The following PALS2 variants were observed in gnomAD, a reference collection of about 807,000 sequenced individuals.
The protein encoded by PALS2 is protein associated with LIN7 2, MAGUK p55 family member.
PALS2 carries 27 observed loss-of-function variants against 61.6 expected under a neutral mutation model. The ratio of observed to expected loss-of-function variants is 0.44; its 90% CI spans 0.32 to 0.60. The LOEUF (loss-of-function observed/expected upper bound fraction) is 0.60, where lower values mean the gene tolerates loss of function less well. PALS2 is among the 20% of genes least tolerant of loss of function. The pLI, the probability that PALS2 is intolerant of heterozygous loss-of-function variation, is 0.05. For missense variants in PALS2, 554 were observed against 639.4 expected, an observed-to-expected ratio of 0.87 and a Z score of 1.44; for synonymous variants, 236 against 218.6, an observed-to-expected ratio of 1.08 and a Z score of -0.70.
intron 2 of PALS2, among the ~76,000 whole-genome samples, chr7:24,640,502 A>C (rs1488562077): frequency 6.6e-6 from 1 of 152,208 alleles, no homozygotes; most frequent in Non-Finnish European, 1.5e-5. Context: ...TTTCTTTAGC[A>C]ATCCTTGAAA....
chr7:24,597,539 T>G (rs1783568802), intron 1 of PALS2, among the ~76,000 whole-genome samples: 1 of 152,094 alleles, frequency 6.6e-6, no homozygotes, highest in African/African-American at 2.4e-5. Context: ...TTTTTAAAAG[T>G]TACTATTTAA....
rs1053430 is a variant in PALS2, at chr7:24,687,648, C to T, written c.*34C>T. 90,131 of 1,547,838 alleles carry T rather than the reference C, an allele frequency of 0.058. 2,982 individuals carry two copies. The highest frequency in any genetic ancestry group is 0.12 in the African/African-American group (8,372 of 71,502). ...TAAGGTTAACAATGAAAATTAAACT[C>T]TTAAAAAGTGACTGCAACAAATAAA... On this transcript the variant is annotated 3_prime_UTR_variant, in exon 12 of 12. Transcript: ENST00000222644. The surrounding 1 kb of genome is among the most constrained non-coding windows in gnomAD (Gnocchi z 4.5).
chr7:24,652,320 T>A (rs1038698985), intron 5 of PALS2, among the ~76,000 whole-genome samples: 3 of 152,202 alleles, frequency 2.0e-5, no homozygotes, highest in African/African-American at 7.2e-5. Context: ...TAACTAGGGC[T>A]TTGGCCCAAA....
In PALS2 at chr7:24,687,438, G is replaced by C; in HGVS notation, c.1447G>C (p.Asp483His). 6.2e-7 allele frequency: 1 copy of C among 1,605,872 alleles called. No homozygotes were observed. Among genetic ancestry groups the C allele is most frequent in the Non-Finnish European group, 8.5e-7 (1 of 1,177,286 alleles). ...ATTTCCTTTTAAAACTCTTCAACAG[G>C]ACTCTGACTTGAAGAAAACAGTGGA... is the stretch of plus-strand genomic sequence containing the variant. ...DAGITTKLLTDSDLKKTVDES... is the reference protein window; with the variant it reads ...DAGITTKLLTHSDLKKTVDES... The change falls in exon 12 of 12, where the codon GAC becomes CAC. Residue 483 changes from aspartate to histidine, a missense_variant and splice_region_variant. Asp to His is a moderately conservative substitution (Grantham distance 81). Transcript: ENST00000222644. This position sits in a 1 kb window ranked among gnomAD's most constrained non-coding sequence, Gnocchi z 4.5.
chr7:24,628,844 CACAA>C (rs1784863318), intron 2 of PALS2, among the ~76,000 whole-genome samples: 1 of 151,566 alleles, frequency 6.6e-6, no homozygotes, highest in Admixed American at 6.6e-5. Flanking sequence ...GAAATAAGGA[CACAA>C]ACAAATGGAA....
chr7:24,603,985 G>C lies in PALS2; in HGVS notation c.-2-19681G>C, dbSNP rs1783804783. Among the ~76,000 whole-genome samples the C allele has an allele frequency of 2.6e-5, 4 of 152,134 alleles. No individual in the cohort carries two copies. The South Asian group carries it at 8.3e-4, about 32-fold the overall frequency. On this transcript the variant is annotated intron_variant, in intron 1 of 11. Coordinates refer to ENST00000222644, the MANE Select transcript of PALS2 (RefSeq NM_001303037.2). ...AAAAATAGTCAATAAAACGGACTCTGACTGGGCTCAGTGTTGGATTTAATG... is the reference window on the plus strand; with the variant it reads ...AAAAATAGTCAATAAAACGGACTCTCACTGGGCTCAGTGTTGGATTTAATG...
intron 9 of PALS2, among the ~76,000 whole-genome samples, chr7:24,671,326 T>C (rs986505093): frequency 2.6e-5 from 4 of 152,216 alleles, no homozygotes; most frequent in African/African-American, 4.8e-5. Flanking sequence ...TATATTTTCT[T>C]TGGAGGAATG....
At position 24,679,283 on chromosome 7, in the gene PALS2, C is replaced by G. The variant is rs768508543; in HGVS notation, c.1267C>G (p.Leu423Val). 3.1e-6 allele frequency: 5 copies of G among 1,613,940 alleles called. No homozygotes were observed. The African/African-American group carries it at 4.0e-5, about 13-fold the overall frequency. ...CTATGGAACCAAAATTGATTCTATTCTTGAGGTTGTCCAAACTGGACGGAC... is the reference window on the plus strand; with the variant it reads ...CTATGGAACCAAAATTGATTCTATTGTTGAGGTTGTCCAAACTGGACGGAC... ...NLYGTKIDSILEVVQTGRTCI... is the reference protein window; with the variant it reads ...NLYGTKIDSIVEVVQTGRTCI... The change falls in exon 10 of 12, where the codon CTT becomes GTT. Residue 423 changes from leucine (L) to valine (V), a missense_variant. By Grantham distance (32) the Leu-to-Val change is conservative. Transcript: ENST00000222644.
chr7:24,640,975 T>C (rs1268985283), intron 2 of PALS2, among the ~76,000 whole-genome samples: 3 of 116,652 alleles, frequency 2.6e-5, no homozygotes, highest in Admixed American at 1.3e-4. Context: ...GCCACTGCAC[T>C]CCAGCCTGGG....
intron 1 of PALS2, among the ~76,000 whole-genome samples, chr7:24,601,345 C>T (rs56167283): frequency 0.063 from 9,583 of 151,828 alleles, 350 homozygotes; most frequent in African/African-American, 0.093. Context: ...TTGTATATGC[C>T]ACTTGGCTAT....
At chr7:24,579,319 C>A (rs996368482) in intron 1 of PALS2, among the ~76,000 whole-genome samples, 1 of 152,056 alleles carries the variant, frequency 6.6e-6, no homozygotes, top group Non-Finnish European at 1.5e-5. Context: ...GGTGGAAACA[C>A]AAATCAAAAT....
At chr7:24,665,485 G>T (rs749083975) in intron 6 of PALS2, 103 bp from the exon 7 acceptor site, 77 of 970,752 alleles carry the variant, frequency 7.9e-5, no homozygotes, top group Non-Finnish European at 1.1e-4. Flanking sequence ...TTGTTTTTAA[G>T]AGCAAATGTG....
intron 1 of PALS2, among the ~76,000 whole-genome samples, chr7:24,616,770 A>G (rs760771789): frequency 1.3e-5 from 2 of 152,092 alleles, no homozygotes; most frequent in African/African-American, 4.8e-5. Flanking sequence ...ATTTTTGTGG[A>G]TGAGTGGTTC....
rs559631369 is a variant in PALS2, at chr7:24,607,641, A to G, written c.-2-16025A>G. 4.5e-4 allele frequency among the ~76,000 whole-genome samples: 67 copies of G among 150,000 alleles called. 1 individual carries two copies. Among genetic ancestry groups the G allele is most frequent in the Middle Eastern group, 3.5e-3 (1 of 288 alleles). Reference sequence around the variant, plus strand: ...TATGTGTGTATATATACATATATGTATGTATATGTATGCGTATGTATACAC... The same window carrying G: ...TATGTGTGTATATATACATATATGTGTGTATATGTATGCGTATGTATACAC... On this transcript the variant is annotated intron_variant, in intron 1 of 11. Transcript: ENST00000222644.
intron 3 of PALS2, among the ~76,000 whole-genome samples, chr7:24,646,939 A>T (rs1583938989): frequency 6.6e-6 from 1 of 152,126 alleles, no homozygotes; most frequent in South Asian, 2.1e-4. Context: ...GTGTGCATGG[A>T]AGTGTTCATA....
chr7:24,640,962 C>T (rs929232903), intron 2 of PALS2, among the ~76,000 whole-genome samples: 3 of 139,704 alleles, frequency 2.1e-5, no homozygotes, highest in South Asian at 2.3e-4. Context: ...GAGCTGAGGT[C>T]GCGCCACTGC....
At chr7:24,641,963 A>G in intron 3 of PALS2, 95 bp downstream of exon 3, 4 of 1,337,580 alleles carry the variant, frequency 3.0e-6, no homozygotes, top group Admixed American at 2.2e-5. Context: ...TTCAAAGATT[A>G]TTTAGGGCTA....
chr7:24,573,585 T>C lies in PALS2; in HGVS notation c.-11T>C. On this transcript the variant is annotated 5_prime_UTR_variant, in exon 1 of 12. Coordinates refer to ENST00000222644, the MANE Select transcript of PALS2 (RefSeq NM_001303037.2). This position sits in a 1 kb window ranked among gnomAD's most constrained non-coding sequence, Gnocchi z 5.3. ...AGCGGCGGCGCGGAGGCGGCTGAGG[T>C]GCGAGCCGGTGAGTTAACTGGACCC... The C allele has an allele frequency of 2.7e-6, 1 of 371,886 alleles. No homozygotes were observed. Among genetic ancestry groups the C allele is most frequent in the Admixed American group, 4.6e-5 (1 of 21,510 alleles). The allele number at this position is 371,886 out of a possible 1,614,324, so 23.0% of individuals were successfully genotyped here.
intron 2 of PALS2, among the ~76,000 whole-genome samples, chr7:24,626,588 G>C (rs1164431471): frequency 1.3e-5 from 2 of 152,036 alleles, no homozygotes; most frequent in African/African-American, 4.8e-5. Flanking sequence ...CCAGCAAATT[G>C]GATAAAGAAT....
Sources: gnomAD v4.1 joint callset for allele counts (sites outside exome capture counted in the v4.1 genomes callset) on GRCh38, gnomAD v4.1.1 for gene constraint, Gnocchi (gnomAD v3.1) non-coding constraint, MANE v1.5 for transcripts, NCBI Gene and HGNC (gene_info 2026-07-23, HGNC 2026-07-21) for gene names.